The following APC variants were observed in gnomAD, a reference collection of about 807,000 sequenced individuals.
The protein encoded by APC is APC regulator of Wnt signaling pathway, also known as adenomatous polyposis coli protein.
A neutral mutation model predicts 247.0 loss-of-function variants in APC; 72 were observed. That is an observed-to-expected ratio of 0.29 (90% CI 0.24 to 0.35). The LOEUF (loss-of-function observed/expected upper bound fraction) is 0.35. Among genes scored for constraint, APC ranks in the 10% least tolerant of loss-of-function variants. The pLI, the probability that APC is intolerant of heterozygous loss-of-function variation, is 1.00. For synonymous variants in APC, 1,254 were observed against 1,162.5 expected, an observed-to-expected ratio of 1.08 and a Z score of -1.60; for missense variants, 3,400 against 3,360.7, an observed-to-expected ratio of 1.01 and a Z score of -0.29.
intron 4 of APC, among the ~76,000 whole-genome samples, chr5:112,770,147 G>A (rs1756878343): frequency 1.3e-5 from 2 of 152,166 alleles, no homozygotes; most frequent in Admixed American, 6.5e-5. Flanking sequence ...AAGTTTTACT[G>A]CAAATACTAG....
intron 1 of APC, among the ~76,000 whole-genome samples, chr5:112,720,530 CAT>C (rs1363376328): frequency 6.6e-6 from 1 of 152,204 alleles, no homozygotes; most frequent in East Asian, 1.9e-4. Flanking sequence ...CTATTTTAAA[CAT>C]GTGAAAACAG....
rs756081396 is a variant in APC at position 112,841,392 on chromosome 5, T to C, written c.5798T>C (p.Phe1933Ser). The change falls in exon 16 of 16, where the codon TTT becomes TCT. Residue 1933 changes from phenylalanine to serine, a missense_variant. This residue lies in a region of APC where 1,788 missense variants were observed against 1,649.5 expected (regional missense o/e 1.08). Coordinates refer to ENST00000257430, the MANE Select transcript of APC (RefSeq NM_000038.6). The surrounding 1 kb of genome is among the most constrained non-coding windows in gnomAD (Gnocchi z 4.6). ...PKPILQKQST[F>S]PQSSKDIPDR... The stretch of plus-strand genomic sequence containing the variant: ...CCCATACTTCAGAAACAATCCACTT[T>C]TCCCCAGTCATCCAAAGACATACCA... 6.2e-7 allele frequency: 1 copy of C among 1,613,822 alleles called. No individual in the cohort carries two copies. Among genetic ancestry groups the C allele is most frequent in the South Asian group, 1.1e-5 (1 of 91,070 alleles).
At chr5:112,742,590 C>T (rs1158505703) in intron 1 of APC, among the ~76,000 whole-genome samples, 2 of 152,164 alleles carry the variant, frequency 1.3e-5, no homozygotes, top group Non-Finnish European at 2.9e-5. Context: ...TTTTCATTGG[C>T]TATTGGCAAG....
chr5:112,744,691 C>G (rs1753441271), intron 1 of APC, among the ~76,000 whole-genome samples: 1 of 151,888 alleles, frequency 6.6e-6, no homozygotes. Flanking sequence ...GAGGTATAAA[C>G]AAAAATATAA....
intron 7 of APC, among the ~76,000 whole-genome samples, chr5:112,797,024 C>T (rs1760279682): frequency 6.6e-6 from 1 of 152,054 alleles, no homozygotes; most frequent in Non-Finnish European, 1.5e-5. Flanking sequence ...TAGTAATCCT[C>T]ATTTTCCAGT....
chr5:112,798,621 A>G lies in APC; in HGVS notation c.730-2658A>G, dbSNP rs78370989. Among the ~76,000 whole-genome samples the G allele has an allele frequency of 6.6e-6, 1 of 152,218 alleles. No homozygotes were observed. The highest frequency in any genetic ancestry group is 1.5e-5 in the Non-Finnish European group (1 of 68,036). ...ACCTTGGAGAAGTTGTAAAGCAACTATGGAAATGAGGAAACTAGTTAGAAT... is the reference window on the plus strand; with the variant it reads ...ACCTTGGAGAAGTTGTAAAGCAACTGTGGAAATGAGGAAACTAGTTAGAAT... On this transcript the variant is annotated intron_variant, in intron 7 of 15. Transcript: ENST00000257430.
rs2149922989 is a variant in APC, at chr5:112,840,350, A to G, written c.4756A>G (p.Lys1586Glu). 6.2e-7 allele frequency: 1 copy of G among 1,614,212 alleles called. No homozygotes were observed. Reference protein sequence around the residue: ...EECIISAMPTKSSRKAKKPAQ... With the variant: ...EECIISAMPTESSRKAKKPAQ... ...ATGTATTATTTCTGCCATGCCAACA[A>G]AGTCATCACGTAAAGCAAAAAAGCC... is the stretch of plus-strand genomic sequence containing the variant. The change falls in exon 16 of 16, where the codon AAG becomes GAG. Residue 1586 changes from lysine (K) to glutamate (E), a missense_variant. Lys to Glu is a moderately conservative substitution (Grantham distance 56, BLOSUM62 1). Around this residue, in one of 9 missense-constraint regions of APC, gnomAD observed 1,788 missense variants for 1,649.5 expected, o/e 1.08. Coordinates refer to ENST00000257430, the MANE Select transcript of APC (RefSeq NM_000038.6). This position sits in a 1 kb window ranked among gnomAD's most constrained non-coding sequence, Gnocchi z 4.1.
intron 9 of APC, 124 bp downstream of exon 9, chr5:112,815,717 C>G (rs1762443958): frequency 4.4e-6 from 3 of 682,514 alleles, no homozygotes; most frequent in Admixed American, 4.3e-5. Flanking sequence ...AGGTGGATCA[C>G]TTGAGGCCAG....
Position 112,826,626 on chromosome 5 carries a change from GCA to G in APC, c.1409-479_1409-478del, listed in dbSNP as rs532004313. The stretch of plus-strand genomic sequence containing the variant: ...ACAAAACTTTTTAGTTTTTCTTCAT[GCA>G]CAGTTTCATTTAAAGGCATCCGTAT... On this transcript the variant is annotated intron_variant, in intron 11 of 15. Coordinates refer to ENST00000257430, the MANE Select transcript of APC (RefSeq NM_000038.6). Among the ~76,000 whole-genome samples, 377 of 144,942 alleles carry G rather than the reference GCA, an allele frequency of 2.6e-3. 1 individual carries two copies. The highest frequency in any genetic ancestry group is 9.1e-3 in the African/African-American group (356 of 39,246).
chr5:112,719,608 C>G (rs867872930), intron 1 of APC, among the ~76,000 whole-genome samples: 3 of 150,950 alleles, frequency 2.0e-5, no homozygotes, highest in Non-Finnish European at 4.4e-5. Flanking sequence ...GATCTCCACT[C>G]ACTGCAACCT....
intron 1 of APC, among the ~76,000 whole-genome samples, chr5:112,742,250 C>T (rs1003176896): frequency 6.6e-6 from 1 of 152,166 alleles, no homozygotes; most frequent in Non-Finnish European, 1.5e-5. Context: ...CTATAGTATT[C>T]TATAGTACCT....
chr5:112,787,108 G>A (rs1385713073), intron 6 of APC, among the ~76,000 whole-genome samples: 1 of 151,940 alleles, frequency 6.6e-6, no homozygotes, highest in African/African-American at 2.4e-5. Context: ...GTCTGGCCTC[G>A]AACTCCTGAC....
intron 1 of APC, among the ~76,000 whole-genome samples, chr5:112,709,776 A>C (rs894198393): frequency 6.6e-6 from 1 of 152,026 alleles, no homozygotes; most frequent in African/African-American, 2.4e-5. Context: ...ATGGTGGTGC[A>C]TGCCTGTGAT....
rs150882838 is a variant in APC, at chr5:112,842,787, C to T, written c.7193C>T (p.Ser2398Phe). 47 of 1,613,610 alleles carry T rather than the reference C, an allele frequency of 2.9e-5. No individual in the cohort carries two copies. The African/African-American group carries it at 4.1e-4, about 14-fold the overall frequency. The change falls in exon 16 of 16, where the codon TCC becomes TTC. Residue 2398 changes from serine (S) to phenylalanine (F), a missense_variant. Ser to Phe is a radical substitution (Grantham distance 155). Transcript: ENST00000257430. ...ASSIPRSESA[S>F]KGLNQMNNGN... The stretch of plus-strand genomic sequence containing the variant: ...AGTATTCCAAGAAGTGAGTCTGCCT[C>T]CAAAGGACTAAATCAGATGAATAAT...
chr5:112,739,498 A>C (rs1399892561), intron 1 of APC, among the ~76,000 whole-genome samples: 1 of 152,240 alleles, frequency 6.6e-6, no homozygotes. Flanking sequence ...TTCACTGATA[A>C]ATTTAAATAG....
chr5:112,751,219 A>C (rs1336127711), intron 1 of APC, among the ~76,000 whole-genome samples: 1 of 152,026 alleles, frequency 6.6e-6, no homozygotes, highest in Non-Finnish European at 1.5e-5. Context: ...CAATTATCAA[A>C]ACAAAAAAAC....
At position 112,828,992 on chromosome 5, in the gene APC, G is replaced by T; in HGVS notation, c.1743+20G>T. ...AAAAAGGTACCTTTGAAAACATTTA[G>T]TACTATAATATGAATTTCATGTTTG... On this transcript the variant is annotated intron_variant, in intron 14 of 15. Transcript: ENST00000257430. 6.5e-7 allele frequency: 1 copy of T among 1,532,608 alleles called. No homozygotes were observed. Among genetic ancestry groups the T allele is most frequent in the Non-Finnish European group, 9.0e-7 (1 of 1,106,392 alleles). The allele number at this position is 1,532,608 out of a possible 1,614,324, so 94.9% of individuals were successfully genotyped here.
chr5:112,842,025 T>C lies in APC; in HGVS notation c.6431T>C (p.Leu2144Pro), dbSNP rs786203880. ...SILSLKSGIS[L>P]GSPFHLTPDQ... is the part of the protein sequence containing the mutation. The stretch of plus-strand genomic sequence containing the variant: ...CTTTCCCTGAAATCAGGAATCTCTC[T>C]GGGATCACCATTTCATCTTACACCT... The change falls in exon 16 of 16, where the codon CTG becomes CCG. Residue 2144 changes from leucine (L) to proline (P), a missense_variant. Physicochemically the swap from Leu to Pro is moderately conservative, Grantham distance 98 (BLOSUM62 -3). Coordinates refer to ENST00000257430, the MANE Select transcript of APC (RefSeq NM_000038.6). 1.9e-6 allele frequency: 3 copies of C among 1,613,510 alleles called. No individual in the cohort carries two copies. The highest frequency in any genetic ancestry group is 2.5e-6 in the Non-Finnish European group (3 of 1,179,446).
rs1342551804 is a variant in APC, at chr5:112,787,757, A to G, written c.646-4689A>G. On this transcript the variant is annotated intron_variant, in intron 6 of 15. Coordinates refer to ENST00000257430, the MANE Select transcript of APC (RefSeq NM_000038.6). ...ATCTGTTATCTGTATTAGCCTCATAACAAAAATAAACTTTTATGATAGAGC... is the reference window on the plus strand; with the variant it reads ...ATCTGTTATCTGTATTAGCCTCATAGCAAAAATAAACTTTTATGATAGAGC... Among the ~76,000 whole-genome samples, 3 of 152,218 alleles carry G rather than the reference A, an allele frequency of 2.0e-5. No homozygotes were observed. In the East Asian group the frequency reaches 5.8e-4, roughly 29 times the overall value.
Sources: allele counts gnomAD v4.1 joint callset (sites outside exome capture counted in the v4.1 genomes callset), GRCh38; gene constraint gnomAD v4.1.1; regional missense constraint gnomAD v4.1.1; non-coding constraint Gnocchi (gnomAD v3.1); transcripts MANE v1.5; gene names NCBI Gene and HGNC (gene_info 2026-07-23, HGNC 2026-07-21).